Variants in STPG2 observed in about 807,000 individuals in gnomAD.
STPG2 encodes the protein sperm-tail PG-rich repeat-containing protein 2.
STPG2 carries 56 observed loss-of-function variants against 54.2 expected under a neutral mutation model. The ratio of observed to expected loss-of-function variants is 1.03; its 90% CI spans 0.83 to 1.29. STPG2 has a LOEUF of 1.29. Ranked by LOEUF, STPG2 falls within the 50% of genes most tolerant of loss-of-function variation. The probability of loss-of-function intolerance (pLI) is 0.00; values close to 1 mark genes in which losing one functional copy is unlikely to be tolerated. For synonymous variants in STPG2, 200 were observed against 181.8 expected, an observed-to-expected ratio of 1.10 and a Z score of -0.81; for missense variants, 596 against 544.9, an observed-to-expected ratio of 1.09 and a Z score of -0.93.
At chr4:97,958,535 A>C (rs1733772499) in intron 7 of STPG2, among the ~76,000 whole-genome samples, 1 of 152,186 alleles carries the variant, frequency 6.6e-6, no homozygotes. Context: ...ACTTAAGGTA[A>C]AGGGGTGGAA....
At chr4:97,654,811 CATAA>C (rs955242979) in intron 10 of STPG2, among the ~76,000 whole-genome samples, 8 of 143,184 alleles carry the variant, frequency 5.6e-5, no homozygotes, top group Admixed American at 4.7e-4. Context: ...TAAAAAAAAT[CATAA>C]ATAACAATAA....
At chr4:97,540,038 T>C (rs1045728234) in intron 4 of STPG2, among the ~76,000 whole-genome samples, 1 of 152,038 alleles carries the variant, frequency 6.6e-6, no homozygotes, top group Non-Finnish European at 1.5e-5. Flanking sequence ...AGAACTAAAA[T>C]TGACACCCTA....
intron 4 of STPG2, among the ~76,000 whole-genome samples, chr4:97,546,129 A>G (rs972446755): frequency 3.3e-5 from 5 of 151,834 alleles, no homozygotes; most frequent in African/African-American, 9.7e-5. Context: ...AGCAATGAGA[A>G]CTACTACACT....
intron 10 of STPG2, among the ~76,000 whole-genome samples, chr4:97,692,960 G>T (rs1390467562): frequency 1.3e-5 from 2 of 152,052 alleles, no homozygotes; most frequent in Non-Finnish European, 2.9e-5. Flanking sequence ...CTTCATAAAT[G>T]AAGGAAAGAT....
chr4:97,746,994 G>A (rs1213047786), intron 9 of STPG2, among the ~76,000 whole-genome samples: 1 of 146,608 alleles, frequency 6.8e-6, no homozygotes, highest in African/African-American at 2.5e-5. Flanking sequence ...AGGATAGCAT[G>A]TGCAATCTGT....
intron 10 of STPG2, among the ~76,000 whole-genome samples, chr4:97,698,602 G>A (rs952961015): frequency 9.9e-5 from 15 of 152,134 alleles, no homozygotes; most frequent in Non-Finnish European, 1.3e-4. Context: ...TGGTCACTAA[G>A]GTTGATGATG....
chr4:97,682,177 T>C (rs773169564), intron 10 of STPG2, among the ~76,000 whole-genome samples: 5 of 151,644 alleles, frequency 3.3e-5, no homozygotes, highest in African/African-American at 7.2e-5. Flanking sequence ...CTACTAGGCA[T>C]ACAAAAGATC....
At chr4:97,517,010 T>C (rs556455049) in intron 4 of STPG2, among the ~76,000 whole-genome samples, 3 of 151,924 alleles carry the variant, frequency 2.0e-5, no homozygotes, top group South Asian at 4.2e-4. Context: ...CGGTCTCAAG[T>C]GATTTTCCTG....
chr4:98,143,222 G>T lies in STPG2; in HGVS notation c.-72C>A. On this transcript the variant is annotated 5_prime_UTR_variant, in exon 1 of 11. Transcript: ENST00000295268. The stretch of plus-strand genomic sequence containing the variant: ...CGATAAAAACAAGGTAGCTAGAAGT[G>T]TGGAGAAAAAGGAAGCCGACACCAG... 1 of 1,245,968 alleles carries T rather than the reference G, an allele frequency of 8.0e-7. No individual in the cohort carries two copies. Among genetic ancestry groups the T allele is most frequent in the Non-Finnish European group, 1.1e-6 (1 of 882,630 alleles). The allele number at this position is 1,245,968 out of a possible 1,614,324, so 77.2% of individuals were successfully genotyped here. A position where few individuals can be genotyped will look rare whatever the true frequency, so the allele number is the denominator to read the frequency against.
At chr4:97,448,555 CCT>C (rs1278814443) in intron 4 of STPG2, among the ~76,000 whole-genome samples, 2 of 152,078 alleles carry the variant, frequency 1.3e-5, no homozygotes, top group South Asian at 2.1e-4. Context: ...GTTCCTCTTC[CCT>C]CTCTCTTTTC....
intron 1 of STPG2, among the ~76,000 whole-genome samples, chr4:98,138,698 T>C (rs1436326175): frequency 3.9e-5 from 6 of 152,248 alleles, no homozygotes; most frequent in East Asian, 1.9e-4. Flanking sequence ...TATATTCTGA[T>C]AGGCAAATAA....
chr4:97,656,081 G>A lies in STPG2; in HGVS notation c.1320+56618C>T, dbSNP rs113427540. 5.5e-3 allele frequency among the ~76,000 whole-genome samples: 840 copies of A among 152,116 alleles called. 6 individuals are homozygous for A. The highest frequency in any genetic ancestry group is 0.02 in the Middle Eastern group (6 of 294). The stretch of plus-strand genomic sequence containing the variant: ...TTAACACAAATCTTTAGGACTACCC[G>A]TAGAAACACAAACAAGAAGGGTCTC... On this transcript the variant is annotated intron_variant, in intron 10 of 10. Transcript: ENST00000295268.
At chr4:98,091,670 G>C (rs1046610382) in intron 5 of STPG2, among the ~76,000 whole-genome samples, 3 of 149,872 alleles carry the variant, frequency 2.0e-5, no homozygotes, top group Non-Finnish European at 4.4e-5. Flanking sequence ...TCTATCCACA[G>C]CATATAATAG....
chr4:97,565,435 G>A lies in STPG2; in HGVS notation c.1321-6318C>T, dbSNP rs9993236. On this transcript the variant is annotated intron_variant, in intron 10 of 10. Coordinates refer to ENST00000295268, the MANE Select transcript of STPG2 (RefSeq NM_174952.3). Reference sequence around the variant, plus strand: ...ATCTGAAGCCTTCTTCTCTCAACTCGTCAAAGTCATTCTCTGTCCAGCTTT... The same window carrying A: ...ATCTGAAGCCTTCTTCTCTCAACTCATCAAAGTCATTCTCTGTCCAGCTTT... Among the ~76,000 whole-genome samples the A allele has an allele frequency of 3.9e-5, 6 of 151,990 alleles. No individual in the cohort carries two copies. The East Asian group carries it at 7.8e-4, about 20-fold the overall frequency.
intron 1 of STPG2, among the ~76,000 whole-genome samples, chr4:98,135,583 C>G (rs1203503956): frequency 6.6e-6 from 1 of 151,706 alleles, no homozygotes; most frequent in Non-Finnish European, 1.5e-5. Flanking sequence ...TCAGGAAAAA[C>G]TTCATGGATG....
intron 10 of STPG2, among the ~76,000 whole-genome samples, chr4:97,665,245 C>T (rs1004860739): frequency 9.9e-5 from 15 of 152,178 alleles, no homozygotes; most frequent in Non-Finnish European, 1.6e-4. Flanking sequence ...CGTTACAGCT[C>T]TTTCAGCCTC....
At chr4:97,951,201 T>C (rs1048232744) in intron 7 of STPG2, among the ~76,000 whole-genome samples, 37 of 152,144 alleles carry the variant, frequency 2.4e-4, no homozygotes, top group Non-Finnish European at 1.0e-4. Context: ...AAATCCCCAA[T>C]TTCCAAGTTT....
At chr4:97,864,893 A>T (rs1215668274) in intron 8 of STPG2, among the ~76,000 whole-genome samples, 2 of 152,178 alleles carry the variant, frequency 1.3e-5, no homozygotes, top group Non-Finnish European at 2.9e-5. Context: ...AGCCATATGT[A>T]GAAAGCTGAA....
At chr4:97,498,455 T>C (rs112860764) in intron 4 of STPG2, among the ~76,000 whole-genome samples, 2,333 of 152,062 alleles carry the variant, frequency 0.015, 56 homozygotes, top group African/African-American at 0.054. Flanking sequence ...TATGTAATAC[T>C]GTTGAATTTT....
Sources: gnomAD v4.1 joint callset for allele counts (sites outside exome capture counted in the v4.1 genomes callset) on GRCh38, gnomAD v4.1.1 for gene constraint, MANE v1.5 for transcripts, NCBI Gene and HGNC (gene_info 2026-07-23, HGNC 2026-07-21) for gene names.